Variants in TMEM132C observed in about 807,000 individuals in gnomAD.
TMEM132C encodes transmembrane protein 132C.
In TMEM132C, 29 loss-of-function variants were observed where a neutral mutation model predicts 61.4. The ratio of observed to expected loss-of-function variants is 0.47; its 90% CI spans 0.35 to 0.64. The LOEUF is 0.64. Among genes scored for constraint, TMEM132C ranks in the 30% least tolerant of loss-of-function variants. TMEM132C has a pLI of 0.00. For missense variants in TMEM132C, 1,408 were observed against 1,476.9 expected, an observed-to-expected ratio of 0.95 and a Z score of 0.76; for synonymous variants, 656 against 633.1, an observed-to-expected ratio of 1.04 and a Z score of -0.54.
At chr12:128,612,608 T>C (rs1455300832) in intron 3 of TMEM132C, among the ~76,000 whole-genome samples, 4 of 152,180 alleles carry the variant, frequency 2.6e-5, no homozygotes, top group South Asian at 4.1e-4. Flanking sequence ...ATGAGAACCT[T>C]AATCACCACC....
intron 1 of TMEM132C, among the ~76,000 whole-genome samples, chr12:128,353,342 T>C (rs1611777): frequency 1 from 151,892 of 152,306 alleles, 75,739 homozygotes; most frequent in East Asian, 1. Context: ...TTTCCTGCCA[T>C]CTAGGTTTGC....
chr12:128,353,158 C>G lies in TMEM132C; in HGVS notation c.86-61574C>G, dbSNP rs182936370. On this transcript the variant is annotated intron_variant, in intron 1 of 8. Coordinates refer to ENST00000435159, the MANE Select transcript of TMEM132C (RefSeq NM_001136103.3). ...AAAGAAAACAGAAGTGGGGTTGAGA[C>G]CAGGAGGAAATAATTCAAACACTGC... 2.8e-4 allele frequency among the ~76,000 whole-genome samples: 43 copies of G among 152,162 alleles called. 1 individual carries two copies. In the East Asian group the frequency reaches 7.1e-3, roughly 25 times the overall value.
At chr12:128,527,326 T>A (rs1024188433) in intron 2 of TMEM132C, among the ~76,000 whole-genome samples, 1 of 152,126 alleles carries the variant, frequency 6.6e-6, no homozygotes, top group Non-Finnish European at 1.5e-5. Context: ...TGCGTAGCTG[T>A]TTTTTTACGA....
chr12:128,452,049 G>C (rs1042139245), intron 2 of TMEM132C, among the ~76,000 whole-genome samples: 1 of 152,022 alleles, frequency 6.6e-6, no homozygotes, highest in Non-Finnish European at 1.5e-5. Context: ...TGCAGGCCAA[G>C]CAATTTTCTT....
chr12:128,484,093 A>T (rs989136541), intron 2 of TMEM132C, among the ~76,000 whole-genome samples: 13 of 152,192 alleles, frequency 8.5e-5, no homozygotes, highest in Non-Finnish European at 1.6e-4. Flanking sequence ...AGCAAACAAC[A>T]TAAAGCCGGG....
intron 5 of TMEM132C, among the ~76,000 whole-genome samples, chr12:128,679,024 C>T (rs1260037816): frequency 2.0e-5 from 3 of 152,188 alleles, no homozygotes; most frequent in Non-Finnish European, 1.5e-5. Flanking sequence ...CTCTGAGCCT[C>T]AGTGTCCTTA....
intron 1 of TMEM132C, among the ~76,000 whole-genome samples, chr12:128,361,081 A>G (rs1873694353): frequency 6.6e-6 from 1 of 152,190 alleles, no homozygotes; most frequent in Admixed American, 6.5e-5. Flanking sequence ...GGAGTTGGGC[A>G]GGGGAAGGCG....
intron 3 of TMEM132C, among the ~76,000 whole-genome samples, chr12:128,561,261 G>A (rs886881639): frequency 1.3e-5 from 2 of 152,240 alleles, no homozygotes; most frequent in Non-Finnish European, 2.9e-5. Flanking sequence ...GAACTTCATG[G>A]CTTTGCCCAA....
In TMEM132C at chr12:128,378,448, T is replaced by G. The variant is rs547913215; in HGVS notation, c.86-36284T>G. Among the ~76,000 whole-genome samples, 12 of 152,148 alleles carry G rather than the reference T, an allele frequency of 7.9e-5. 1 individual carries two copies. In the South Asian group the frequency reaches 2.5e-3, roughly 32 times the overall value. Reference sequence around the variant, plus strand: ...GATTTTTTTAAAAAAATTAAGTACCTCTATTCATTTGCACCTTCACTACCC... The same window carrying G: ...GATTTTTTTAAAAAAATTAAGTACCGCTATTCATTTGCACCTTCACTACCC... On this transcript the variant is annotated intron_variant, in intron 1 of 8. Transcript: ENST00000435159.
intron 1 of TMEM132C, among the ~76,000 whole-genome samples, chr12:128,356,501 A>G (rs1053616864): frequency 1.3e-5 from 2 of 152,248 alleles, no homozygotes; most frequent in African/African-American, 4.8e-5. Flanking sequence ...GAGGAAATAA[A>G]TGACTCTCTG....
intron 3 of TMEM132C, among the ~76,000 whole-genome samples, chr12:128,609,672 A>G (rs1181944920): frequency 6.6e-6 from 1 of 152,122 alleles, no homozygotes; most frequent in Non-Finnish European, 1.5e-5. Flanking sequence ...CACACCCTGA[A>G]CTAGGTACAG....
intron 2 of TMEM132C, among the ~76,000 whole-genome samples, chr12:128,474,026 G>A (rs547761938): frequency 1.3e-5 from 2 of 152,116 alleles, no homozygotes; most frequent in Non-Finnish European, 2.9e-5. Context: ...TTGTCATCTC[G>A]GGTCCCTGTT....
intron 2 of TMEM132C, among the ~76,000 whole-genome samples, chr12:128,425,200 C>T (rs1431774298): frequency 6.6e-6 from 1 of 152,258 alleles, no homozygotes; most frequent in Non-Finnish European, 1.5e-5. Flanking sequence ...AATGAAGACA[C>T]TATCTCCATG....
chr12:128,502,397 A>G (rs1360213389), intron 2 of TMEM132C, among the ~76,000 whole-genome samples: 2 of 152,244 alleles, frequency 1.3e-5, no homozygotes, highest in Non-Finnish European at 2.9e-5. Context: ...CTGGGCTTCT[A>G]CAGGGGCCAT....
intron 1 of TMEM132C, among the ~76,000 whole-genome samples, chr12:128,386,502 C>G (rs1019450537): frequency 2.6e-5 from 4 of 152,176 alleles, no homozygotes; most frequent in African/African-American, 9.7e-5. Context: ...CCTGCCTGGT[C>G]TCATGGTTGT....
Position 128,556,648 on chromosome 12 carries a change from G to A in TMEM132C, c.1121+12545G>A, listed in dbSNP as rs552702041. 2.6e-5 allele frequency among the ~76,000 whole-genome samples: 4 copies of A among 152,272 alleles called. 1 individual carries two copies. In the South Asian group the frequency reaches 8.3e-4, roughly 32 times the overall value. ...GTGACTGGTTGACTCATAGTGCTGAGCAGAAGTGATGCTATGTAACTTTCA... is the reference window on the plus strand; with the variant it reads ...GTGACTGGTTGACTCATAGTGCTGAACAGAAGTGATGCTATGTAACTTTCA... On this transcript the variant is annotated intron_variant, in intron 3 of 8. Transcript: ENST00000435159.
chr12:128,542,477 TGTATTTTTC>T (rs2136146514), intron 2 of TMEM132C, among the ~76,000 whole-genome samples: 1 of 152,252 alleles, frequency 6.6e-6, no homozygotes, highest in East Asian at 1.9e-4. Context: ...GGTTAAGTTT[TGTATTTTTC>T]GTAGAGACAA....
intron 1 of TMEM132C, among the ~76,000 whole-genome samples, chr12:128,352,015 G>T (rs1873351386): frequency 6.6e-6 from 1 of 152,180 alleles, no homozygotes; most frequent in South Asian, 2.1e-4. Context: ...TCTGAAGGCT[G>T]TCAGGCAGGA....
intron 2 of TMEM132C, among the ~76,000 whole-genome samples, chr12:128,536,327 TGG>T (rs1873524541): frequency 6.6e-6 from 1 of 151,454 alleles, no homozygotes; most frequent in Non-Finnish European, 1.5e-5. Context: ...CACTCATAGG[TGG>T]GAATTGAACA....
Sources: gnomAD v4.1 joint callset for allele counts (sites outside exome capture counted in the v4.1 genomes callset) on GRCh38, gnomAD v4.1.1 for gene constraint, MANE v1.5 for transcripts, NCBI Gene and HGNC (gene_info 2026-07-23, HGNC 2026-07-21) for gene names.